The following RMDN2 variants were observed in gnomAD, a reference collection of about 807,000 sequenced individuals.
The protein encoded by RMDN2 is regulator of microtubule dynamics 2.
A neutral mutation model predicts 52.8 loss-of-function variants in RMDN2; 61 were observed. The ratio of observed to expected loss-of-function variants is 1.16; its 90% CI spans 0.94 to 1.43. The LOEUF (loss-of-function observed/expected upper bound fraction) is 1.43, where lower values mean the gene tolerates loss of function less well. Ranked by LOEUF, RMDN2 falls within the 40% of genes most tolerant of loss-of-function variation. The probability of loss-of-function intolerance (pLI) is 0.00; values close to 1 mark genes in which losing one functional copy is unlikely to be tolerated. For synonymous variants in RMDN2, 180 were observed against 153.1 expected (o/e 1.18, Z -1.30); for missense variants, 592 against 475.3 (o/e 1.25, Z -2.28).
At chr2:37,982,441 C>T (rs1673446963) in intron 5 of RMDN2, among the ~76,000 whole-genome samples, 1 of 152,194 alleles carries the variant, frequency 6.6e-6, no homozygotes, top group Non-Finnish European at 1.5e-5. Flanking sequence ...AGCCTAGCCC[C>T]TGCCCTCTGT....
At chr2:37,931,829 GGA>G (rs922719443) in intron 2 of RMDN2, among the ~76,000 whole-genome samples, 3 of 152,168 alleles carry the variant, frequency 2.0e-5, no homozygotes, top group African/African-American at 7.2e-5. Context: ...ACTGATGTCA[GGA>G]GAGACATTCC....
At chr2:37,981,526 G>A (rs954451304) in intron 5 of RMDN2, among the ~76,000 whole-genome samples, 183 bp downstream of exon 5, 4 of 152,146 alleles carry the variant, frequency 2.6e-5, no homozygotes, top group Non-Finnish European at 2.9e-5. Context: ...ATGCAGCCTT[G>A]AAATATATTT....
chr2:37,962,839 C>T lies in RMDN2; in HGVS notation c.453-11201C>T, dbSNP rs11689996. On this transcript the variant is annotated intron_variant, in intron 2 of 10. Coordinates refer to ENST00000354545, the MANE Select transcript of RMDN2 (RefSeq NM_001170791.3). ...CCAGGGCCCTTTTGGTGTAGGCACC[C>T]GAGGGAATCTCGCGGTCTGCGGGTT... Among the ~76,000 whole-genome samples the T allele has an allele frequency of 0.37, 56,510 of 151,816 alleles. 12,042 individuals are homozygous for T. The highest frequency in any genetic ancestry group is 0.52 in the South Asian group (2,487 of 4,818).
chr2:37,929,551 G>A lies in RMDN2; in HGVS notation c.274G>A (p.Glu92Lys), dbSNP rs1171613142. 9 of 1,551,724 alleles carry A rather than the reference G, an allele frequency of 5.8e-6. No individual in the cohort carries two copies. Among genetic ancestry groups the A allele is most frequent in the Non-Finnish European group, 7.8e-6 (9 of 1,147,006 alleles). The stretch of plus-strand genomic sequence containing the variant: ...GACAAATATGGAAGAACTCAAAGAG[G>A]AAATCAGATTTCTTAAAGAAGCTAT... ...LLTNMEELKE[E>K]IRFLKEAIPK... The change falls in exon 2 of 11, where the codon GAA (glutamate) becomes AAA (lysine). Residue 92 changes from glutamate to lysine, a missense_variant. Physicochemically the swap from Glu to Lys is moderately conservative, Grantham distance 56 (BLOSUM62 1). Transcript: ENST00000354545.
At chr2:38,022,774 T>G (rs561958760) in intron 10 of RMDN2, among the ~76,000 whole-genome samples, 37 of 152,338 alleles carry the variant, frequency 2.4e-4, no homozygotes, top group African/African-American at 8.7e-4. Flanking sequence ...TTTCATTTGA[T>G]AATATTTTTA....
At chr2:37,935,424 A>G (rs1667203549) in intron 2 of RMDN2, among the ~76,000 whole-genome samples, 1 of 152,250 alleles carries the variant, frequency 6.6e-6, no homozygotes, top group African/African-American at 2.4e-5. Context: ...TCAGTTGTTC[A>G]AAGCATGGAG....
intron 5 of RMDN2, among the ~76,000 whole-genome samples, chr2:37,983,702 G>A (rs1458287225): frequency 6.6e-6 from 1 of 152,162 alleles, no homozygotes; most frequent in Non-Finnish European, 1.5e-5. Flanking sequence ...AGCAATGGGT[G>A]AAATTTAGGT....
intron 2 of RMDN2, among the ~76,000 whole-genome samples, chr2:37,962,911 C>G (rs866678850): frequency 1.3e-5 from 2 of 152,194 alleles, no homozygotes; most frequent in South Asian, 2.1e-4. Flanking sequence ...ATAGCACAGT[C>G]TCTCATGGCA....
At chr2:37,950,347 C>A in intron 2 of RMDN2, 1 of 1,099,908 alleles carries the variant, frequency 9.1e-7, no homozygotes, top group Non-Finnish European at 1.3e-6. Context: ...ATTCCACAGC[C>A]ATGTGAATTC....
chr2:37,925,534 G>C (rs565579073), intron 1 of RMDN2, 109 bp downstream of exon 1: 110 of 152,516 alleles, frequency 7.2e-4, no homozygotes, highest in African/African-American at 2.6e-3. Context: ...TGCACTTCCG[G>C]GTCGGTGTGT....
chr2:38,036,077 A>T (rs1041971788), intron 10 of RMDN2: 5 of 152,166 alleles, frequency 3.3e-5, no homozygotes, highest in African/African-American at 1.2e-4. Context: ...GCACATACTC[A>T]TGGGAACCCT....
intron 10 of RMDN2, among the ~76,000 whole-genome samples, chr2:38,059,317 C>A (rs1487900372): frequency 6.6e-6 from 1 of 152,166 alleles, no homozygotes; most frequent in African/African-American, 2.4e-5. Context: ...TAACTAATTT[C>A]TTTTTGTGAG....
intron 2 of RMDN2, among the ~76,000 whole-genome samples, chr2:37,964,476 T>C (rs373178225): frequency 2.6e-5 from 4 of 152,378 alleles, no homozygotes; most frequent in South Asian, 2.1e-4. Flanking sequence ...AATTCTCACA[T>C]ATTTATGGAT....
At chr2:38,050,125 G>C (rs186885758) in intron 10 of RMDN2, among the ~76,000 whole-genome samples, 1 of 152,240 alleles carries the variant, frequency 6.6e-6, no homozygotes, top group East Asian at 1.9e-4. Flanking sequence ...CAAACTGGCA[G>C]AGAGGATTTG....
intron 10 of RMDN2, among the ~76,000 whole-genome samples, chr2:38,009,209 C>G (rs1677574656): frequency 1.3e-5 from 2 of 152,122 alleles, no homozygotes; most frequent in East Asian, 1.9e-4. Flanking sequence ...CGAGGAGTAT[C>G]TTTTTGGCGT....
chr2:37,994,999 T>C (rs1201951645), intron 7 of RMDN2, among the ~76,000 whole-genome samples: 1 of 152,144 alleles, frequency 6.6e-6, no homozygotes, highest in African/African-American at 2.4e-5. Flanking sequence ...GTTAAGGAGA[T>C]TGACAGCAAA....
chr2:37,954,842 G>A (rs547088106), intron 2 of RMDN2, among the ~76,000 whole-genome samples: 1 of 152,156 alleles, frequency 6.6e-6, no homozygotes, highest in African/African-American at 2.4e-5. Context: ...AACATGGCAT[G>A]TCTTTCTATT....
At chr2:38,021,847 T>TG (rs771227884), downstream of RMDN2, among the ~76,000 whole-genome samples, 1 of 152,196 alleles carries the variant, frequency 6.6e-6, no homozygotes, top group Non-Finnish European at 1.5e-5. Context: ...GTTCATGTCA[T>TG]GCTGTGAGGC....
intron 7 of RMDN2, among the ~76,000 whole-genome samples, chr2:37,992,329 T>A (rs1674914800): frequency 6.6e-6 from 1 of 152,224 alleles, no homozygotes; most frequent in Non-Finnish European, 1.5e-5. Context: ...TAAAGGTATA[T>A]CATCTGTTTT....
Sources: gnomAD v4.1 joint callset for allele counts (sites outside exome capture counted in the v4.1 genomes callset) on GRCh38, gnomAD v4.1.1 for gene constraint, MANE v1.5 for transcripts, NCBI Gene and HGNC (gene_info 2026-07-23, HGNC 2026-07-21) for gene names.